DNAI4: variants seen among roughly 807,000 people sequenced by gnomAD.
The protein encoded by DNAI4 is WD repeat domain 78.
A neutral mutation model predicts 105.8 loss-of-function variants in DNAI4; 85 were observed. The ratio of observed to expected loss-of-function variants is 0.80; its 90% CI spans 0.67 to 0.96. The LOEUF (loss-of-function observed/expected upper bound fraction) is 0.96, where lower values mean the gene tolerates loss of function less well. Among genes scored for constraint, DNAI4 ranks in the 40% least tolerant of loss-of-function variants. DNAI4 has a pLI of 0.00. For synonymous variants in DNAI4, 352 were observed against 331.5 expected (o/e 1.06, Z -0.67); for missense variants, 1,014 against 1,005.6 (o/e 1.01, Z -0.11).
At chr1:66,841,359 T>A (rs1351821258) in intron 8 of DNAI4, among the ~76,000 whole-genome samples, 1 of 152,092 alleles carries the variant, frequency 6.6e-6, no homozygotes, top group Admixed American at 6.6e-5. Flanking sequence ...TAGACATTGC[T>A]GGAAAAAAAA....
At chr1:66,844,887 C>T (rs1316644810) in intron 8 of DNAI4, among the ~76,000 whole-genome samples, 1 of 152,022 alleles carries the variant, frequency 6.6e-6, no homozygotes, top group Non-Finnish European at 1.5e-5. Flanking sequence ...GCTCTTACAA[C>T]TTGATTTTTT....
At chr1:66,817,552 A>G (rs184637064) in intron 16 of DNAI4, among the ~76,000 whole-genome samples, 24 of 152,138 alleles carry the variant, frequency 1.6e-4, no homozygotes, top group Non-Finnish European at 2.6e-4. Context: ...CAGCCTAGGC[A>G]AAAGAGTGAG....
At chr1:66,873,847 C>CTTTCCTTTTTTTTTTTTTTTTTTTTTTT (rs1646902396) in intron 5 of DNAI4, among the ~76,000 whole-genome samples, 1 of 130,164 alleles carries the variant, frequency 7.7e-6, no homozygotes, top group Non-Finnish European at 1.6e-5. Context: ...TTTTTTCCCT[C>CTTTCCTTTTTTTTTTTTTTTTTTTTTTT]TTTCCTTTTT....
chr1:66,847,617 A>G lies in DNAI4; in HGVS notation c.1158T>C (p.Asp386=), dbSNP rs150494699. 5.1e-5 allele frequency: 82 copies of G among 1,613,584 alleles called. No individual in the cohort carries two copies. The African/African-American group carries it at 1.1e-3, about 21-fold the overall frequency. Residue 386 remains aspartate (D), a synonymous_variant, in exon 8 of 17, where the codon GAT becomes GAC. Coordinates refer to ENST00000371026, the MANE Select transcript of DNAI4 (RefSeq NM_024763.5). ...ENVILAKIHE[D]EEDHSDAILK... ...ATATTGCATCTGAGTGGTCTTCCTC[A>G]TCTTCATGGATTTTTGCCAGAATTA...
At chr1:66,875,020 A>G (rs1646931764) in intron 4 of DNAI4, 83 bp from the exon 5 acceptor site, 1 of 1,244,972 alleles carries the variant, frequency 8.0e-7, no homozygotes, top group South Asian at 1.5e-5. Flanking sequence ...AATATACCAT[A>G]ATGGGTAATA....
intron 1 of DNAI4, among the ~76,000 whole-genome samples, chr1:66,918,457 T>C (rs1391016479): frequency 6.6e-6 from 1 of 152,224 alleles, no homozygotes; most frequent in Admixed American, 6.5e-5. Flanking sequence ...AAAACTAAGC[T>C]GTGCTTTCTT....
intron 8 of DNAI4, among the ~76,000 whole-genome samples, chr1:66,840,942 C>T (rs571254940): frequency 6.6e-6 from 1 of 152,288 alleles, no homozygotes; most frequent in South Asian, 2.1e-4. Flanking sequence ...TGTGTGGTCT[C>T]TAAAATGTAA....
chr1:66,822,073 C>T (rs1645639183), intron 16 of DNAI4, among the ~76,000 whole-genome samples: 1 of 151,358 alleles, frequency 6.6e-6, no homozygotes, highest in East Asian at 1.9e-4. Flanking sequence ...TTATTAAGTC[C>T]CAATTACATA....
At chr1:66,823,414 G>A (rs1645677611) in intron 15 of DNAI4, among the ~76,000 whole-genome samples, 1 of 151,908 alleles carries the variant, frequency 6.6e-6, no homozygotes, top group Non-Finnish European at 1.5e-5. Flanking sequence ...AGTCCTTTAG[G>A]TATATACCCA....
chr1:66,873,355 C>T (rs1646890602), intron 5 of DNAI4, among the ~76,000 whole-genome samples: 1 of 151,920 alleles, frequency 6.6e-6, no homozygotes, highest in Non-Finnish European at 1.5e-5. Flanking sequence ...AAGTGATTCT[C>T]CTACCTCAGC....
chr1:66,851,765 G>T (rs1396696980), intron 7 of DNAI4, among the ~76,000 whole-genome samples: 1 of 151,862 alleles, frequency 6.6e-6, no homozygotes, highest in Non-Finnish European at 1.5e-5. Flanking sequence ...CAAAATTTGT[G>T]GGATACAGAT....
intron 15 of DNAI4, among the ~76,000 whole-genome samples, chr1:66,826,297 T>A (rs1315575367): frequency 6.6e-6 from 1 of 151,886 alleles, no homozygotes; most frequent in Non-Finnish European, 1.5e-5. Flanking sequence ...GTAAACCACT[T>A]TCTTTAGTCT....
At chr1:66,831,128 A>G (rs1042711389) in intron 13 of DNAI4, among the ~76,000 whole-genome samples, 8 of 152,014 alleles carry the variant, frequency 5.3e-5, no homozygotes, top group Non-Finnish European at 1.2e-4. Context: ...TCACTCAAGA[A>G]GCAATAGATA....
intron 8 of DNAI4, among the ~76,000 whole-genome samples, chr1:66,843,228 GGAGGA>G (rs1646192852): frequency 1.0e-4 from 1 of 9,788 alleles, no homozygotes. Flanking sequence ...GGGGTGGGGG[GGAGGA>G]GGAGGAGGAG....
chr1:66,915,739 C>G (rs1021616458), intron 1 of DNAI4, among the ~76,000 whole-genome samples: 2 of 151,598 alleles, frequency 1.3e-5, no homozygotes, highest in African/African-American at 4.9e-5. Flanking sequence ...GTAAAAGGAA[C>G]CAGGAAATAA....
At chr1:66,816,689 T>C (rs1004693504) in intron 16 of DNAI4, among the ~76,000 whole-genome samples, 1 of 149,940 alleles carries the variant, frequency 6.7e-6, no homozygotes, top group Non-Finnish European at 1.5e-5. Flanking sequence ...CAATATGAAA[T>C]TGATTTGTTA....
intron 6 of DNAI4, 66 bp from the exon 7 acceptor site, chr1:66,862,368 T>A (rs780725641): frequency 2.0e-6 from 3 of 1,485,586 alleles, no homozygotes; most frequent in Non-Finnish European, 2.7e-6. Flanking sequence ...GCTTTATACA[T>A]AACTAGTCAC....
intron 1 of DNAI4, among the ~76,000 whole-genome samples, chr1:66,923,019 A>AT (rs1039899299): frequency 1.3e-5 from 2 of 152,180 alleles, no homozygotes; most frequent in African/African-American, 2.4e-5. Flanking sequence ...CACATATACA[A>AT]TGGTGATCTG....
chr1:66,861,357 G>A (rs1231063699), intron 7 of DNAI4, among the ~76,000 whole-genome samples: 1 of 152,098 alleles, frequency 6.6e-6, no homozygotes, highest in African/African-American at 2.4e-5. Context: ...CCTAAATGCA[G>A]TAATATAATT....
Sources: allele counts gnomAD v4.1 joint callset (sites outside exome capture counted in the v4.1 genomes callset), GRCh38; gene constraint gnomAD v4.1.1; transcripts MANE v1.5; gene names NCBI Gene and HGNC (gene_info 2026-07-23, HGNC 2026-07-21).